The following UBE2G1 variants were observed in gnomAD, a reference collection of about 807,000 sequenced individuals.
UBE2G1 encodes ubiquitin conjugating enzyme E2 G1.
In UBE2G1, 5 loss-of-function variants were observed where a neutral mutation model predicts 22.7. The ratio of observed to expected loss-of-function variants is 0.22; its 90% CI spans 0.12 to 0.46. The LOEUF (loss-of-function observed/expected upper bound fraction) is 0.46. Among genes scored for constraint, UBE2G1 ranks in the 20% least tolerant of loss-of-function variants. The probability of loss-of-function intolerance (pLI) is 0.99; values close to 1 mark genes in which losing one functional copy is unlikely to be tolerated. For synonymous variants in UBE2G1, 74 were observed against 67.5 expected, an observed-to-expected ratio of 1.10 and a Z score of -0.47; for missense variants, 88 against 203.9, an observed-to-expected ratio of 0.43 and a Z score of 3.46.
intron 2 of UBE2G1, among the ~76,000 whole-genome samples, chr17:4,299,842 T>C (rs2083905663): frequency 6.6e-6 from 1 of 150,650 alleles, no homozygotes; most frequent in Admixed American, 6.6e-5. Flanking sequence ...TTTTTTTTTT[T>C]TGGAGATGGA....
chr17:4,274,633 T>C (rs374518942), intron 5 of UBE2G1, among the ~76,000 whole-genome samples: 10 of 152,350 alleles, frequency 6.6e-5, no homozygotes, highest in South Asian at 4.1e-4. Context: ...CCAAAAGACA[T>C]GTACCAATCA....
intron 1 of UBE2G1, among the ~76,000 whole-genome samples, chr17:4,345,169 G>A (rs896899880): frequency 6.6e-6 from 1 of 152,158 alleles, no homozygotes; most frequent in African/African-American, 2.4e-5. Context: ...CCCCTCATGA[G>A]CAACTTAGTT....
At chr17:4,322,945 T>C (rs1400586497) in intron 1 of UBE2G1, among the ~76,000 whole-genome samples, 2 of 152,062 alleles carry the variant, frequency 1.3e-5, no homozygotes, top group African/African-American at 4.8e-5. Flanking sequence ...AACAGGAGAA[T>C]TTGGTGAGCA....
chr17:4,291,568 A>G (rs1366809152), intron 3 of UBE2G1, among the ~76,000 whole-genome samples: 1 of 152,198 alleles, frequency 6.6e-6, no homozygotes, highest in Non-Finnish European at 1.5e-5. Flanking sequence ...TCCTTTTTAA[A>G]AAAAATCAAG....
At chr17:4,316,127 T>G (rs1214411447) in intron 1 of UBE2G1, among the ~76,000 whole-genome samples, 1 of 152,112 alleles carries the variant, frequency 6.6e-6, no homozygotes, top group Non-Finnish European at 1.5e-5. Flanking sequence ...AATTGTTGGC[T>G]AAGTCTAACT....
chr17:4,327,082 G>A (rs775040417), intron 1 of UBE2G1, among the ~76,000 whole-genome samples: 1 of 151,960 alleles, frequency 6.6e-6, no homozygotes, highest in Non-Finnish European at 1.5e-5. Context: ...GATCACCTGA[G>A]TTCAGAAGTT....
chr17:4,349,818 C>T (rs1040951706), intron 1 of UBE2G1, among the ~76,000 whole-genome samples: 6 of 148,834 alleles, frequency 4.0e-5, no homozygotes, highest in Non-Finnish European at 8.9e-5. Flanking sequence ...ACTCCAGTCT[C>T]GGCGACAGAG....
At chr17:4,281,620 G>A (rs1968893425) in intron 5 of UBE2G1, among the ~76,000 whole-genome samples, 1 of 152,120 alleles carries the variant, frequency 6.6e-6, no homozygotes, top group Non-Finnish European at 1.5e-5. Context: ...TGTTTCTGTA[G>A]CTGGACAACT....
At chr17:4,362,896 G>A (rs1969985477) in intron 1 of UBE2G1, among the ~76,000 whole-genome samples, 1 of 152,098 alleles carries the variant, frequency 6.6e-6, no homozygotes, top group Non-Finnish European at 1.5e-5. Flanking sequence ...GCCGAGGTGG[G>A]TGGATCACCT....
At chr17:4,291,172 C>T (rs1293993317) in intron 3 of UBE2G1, among the ~76,000 whole-genome samples, 1 of 152,052 alleles carries the variant, frequency 6.6e-6, no homozygotes, top group Non-Finnish European at 1.5e-5. Flanking sequence ...GCCAGCCTGG[C>T]CAACATGGAG....
At chr17:4,281,148 C>T (rs1968884781) in intron 5 of UBE2G1, among the ~76,000 whole-genome samples, 1 of 152,074 alleles carries the variant, frequency 6.6e-6, no homozygotes, top group East Asian at 1.9e-4. Flanking sequence ...ACCCCTACAC[C>T]AATTCAGAAA....
intron 5 of UBE2G1, among the ~76,000 whole-genome samples, chr17:4,277,329 A>G (rs577901602): frequency 6.6e-6 from 1 of 152,312 alleles, no homozygotes; most frequent in East Asian, 1.9e-4. Context: ...ATGAGATAAT[A>G]AATGTTGTTT....
At chr17:4,352,311 C>A (rs1969854478) in intron 1 of UBE2G1, among the ~76,000 whole-genome samples, 1 of 152,148 alleles carries the variant, frequency 6.6e-6, no homozygotes, top group African/African-American at 2.4e-5. Context: ...CTCACTGCAG[C>A]CTCCAACTCC....
intron 1 of UBE2G1, among the ~76,000 whole-genome samples, chr17:4,360,874 T>A (rs1389953462): frequency 2.6e-5 from 4 of 151,822 alleles, no homozygotes; most frequent in African/African-American, 2.4e-5. Context: ...ATCATGCCAT[T>A]GCACTACAGC....
intron 1 of UBE2G1, among the ~76,000 whole-genome samples, chr17:4,330,352 T>G (rs1969558310): frequency 1.3e-5 from 2 of 152,204 alleles, no homozygotes; most frequent in African/African-American, 4.8e-5. Context: ...ACATTTTGCA[T>G]ACTCTTATTT....
At chr17:4,324,178 T>C (rs1227241603) in intron 1 of UBE2G1, among the ~76,000 whole-genome samples, 2 of 152,238 alleles carry the variant, frequency 1.3e-5, no homozygotes, top group Non-Finnish European at 2.9e-5. Flanking sequence ...GCTTCATCTA[T>C]GACATACTCT....
chr17:4,314,035 G>A (rs1045406332), intron 1 of UBE2G1, among the ~76,000 whole-genome samples: 20 of 152,096 alleles, frequency 1.3e-4, no homozygotes, highest in African/African-American at 4.8e-4. Flanking sequence ...AAGTAAAAAC[G>A]CTGCATTTCT....
intron 5 of UBE2G1, among the ~76,000 whole-genome samples, chr17:4,274,251 G>A (rs1968795258): frequency 7.0e-6 from 1 of 143,148 alleles, no homozygotes. Flanking sequence ...AGGCTGGAGT[G>A]CAGTGGCGCG....
At position 4,274,514 on chromosome 17, in the gene UBE2G1, A is replaced by C. The variant is rs111370708; in HGVS notation, c.*38-1998T>G. 9.5e-4 allele frequency among the ~76,000 whole-genome samples: 145 copies of C among 152,204 alleles called. 1 individual carries two copies. The highest frequency in any genetic ancestry group is 3.3e-3 in the African/African-American group (136 of 41,518). On this transcript the variant is annotated intron_variant, in intron 5 of 5. Coordinates refer to ENST00000396981, the MANE Select transcript of UBE2G1 (RefSeq NM_003342.5). Reference sequence around the variant, plus strand: ...GCCTGGCCAAATTGATCTATCTTACAATCACTCAAATGCAACCATACCAAA... The same window carrying C: ...GCCTGGCCAAATTGATCTATCTTACCATCACTCAAATGCAACCATACCAAA...
Sources: gnomAD v4.1 joint callset for allele counts (sites outside exome capture counted in the v4.1 genomes callset) on GRCh38, gnomAD v4.1.1 for gene constraint, MANE v1.5 for transcripts, NCBI Gene and HGNC (gene_info 2026-07-23, HGNC 2026-07-21) for gene names.